The following NUP214 variants were observed in gnomAD, a reference collection of about 807,000 sequenced individuals.
NUP214 encodes nuclear pore complex protein Nup214.
In NUP214, 79 loss-of-function variants were observed where a neutral mutation model predicts 196.2. The ratio of observed to expected loss-of-function variants is 0.40; its 90% CI spans 0.34 to 0.49. The LOEUF is 0.49. Among genes scored for constraint, NUP214 ranks in the 20% least tolerant of loss-of-function variants. The pLI is 0.58. For missense variants in NUP214, 2,468 were observed against 2,539.0 expected (o/e 0.97, Z 0.60); for synonymous variants, 1,020 against 990.5 (o/e 1.03, Z -0.56).
rs143224806 is a variant in NUP214 at position 131,198,322 on chromosome 9, G to A, written c.4828G>A (p.Glu1610Lys). 6 of 1,614,182 alleles carry A rather than the reference G, an allele frequency of 3.7e-6. No individual in the cohort carries two copies. Among genetic ancestry groups the A allele is most frequent in the Middle Eastern group, 1.6e-4 (1 of 6,062 alleles). ...AISSAGPVAVETSSTPIASST... is the reference protein window; with the variant it reads ...AISSAGPVAVKTSSTPIASST... Reference sequence around the variant, plus strand: ...CTCAAGTGCAGGCCCTGTGGCCGTCGAAACATCAAGTACCCCCATAGCCTC... The same window carrying A: ...CTCAAGTGCAGGCCCTGTGGCCGTCAAAACATCAAGTACCCCCATAGCCTC... The change falls in exon 29 of 36, where the codon GAA becomes AAA. Residue 1610 changes from glutamate (E) to lysine (K), a missense_variant. Glu to Lys is a moderately conservative substitution (Grantham distance 56). Around this residue, in one of 5 missense-constraint regions of NUP214, gnomAD observed 1,801 missense variants for 1,779.4 expected, o/e 1.01. Coordinates refer to ENST00000359428, the MANE Select transcript of NUP214 (RefSeq NM_005085.4).
chr9:131,198,423 C>T lies in NUP214; in HGVS notation c.4929C>T (p.Ser1643=), dbSNP rs759380155. 4 of 1,614,108 alleles carry T rather than the reference C, an allele frequency of 2.5e-6. No homozygotes were observed. Among genetic ancestry groups the T allele is most frequent in the Admixed American group, 1.7e-5 (1 of 60,012 alleles). The part of the protein sequence containing the change: ...AAFGTVTSGS[S]VFAQPPAASS... Reference sequence around the variant, plus strand: ...TTGGTACCGTCACTTCTGGCTCATCCGTCTTTGCTCAGCCTCCTGCTGCCA... The same window carrying T: ...TTGGTACCGTCACTTCTGGCTCATCTGTCTTTGCTCAGCCTCCTGCTGCCA... The change falls in exon 29 of 36, where the codon TCC becomes TCT. Residue 1643 remains serine, a synonymous_variant. Transcript: ENST00000359428.
Position 131,189,140 on chromosome 9 carries a change from G to T in NUP214, c.3574+9G>T. On this transcript the variant is annotated intron_variant, in intron 26 of 35. Coordinates refer to ENST00000359428, the MANE Select transcript of NUP214 (RefSeq NM_005085.4). The stretch of plus-strand genomic sequence containing the variant: ...TGGTGACAAAGCTTCAGGTCAGTTT[G>T]CATTTTTGTTTTCTTGAAAAGTGAA... 6.2e-7 allele frequency: 1 copy of T among 1,612,764 alleles called. No homozygotes were observed. Among genetic ancestry groups the T allele is most frequent in the Non-Finnish European group, 8.5e-7 (1 of 1,178,872 alleles).
intron 27 of NUP214, chr9:131,194,282 C>CCT (rs1179540616): frequency 6.6e-6 from 1 of 151,084 alleles, no homozygotes; most frequent in Non-Finnish European, 1.5e-5. Flanking sequence ...GATCCTCCTG[C>CCT]CTTAGCCCCC....
intron 26 of NUP214, chr9:131,190,387 G>A: frequency 1.5e-6 from 1 of 673,964 alleles, no homozygotes; most frequent in South Asian, 1.6e-5. Flanking sequence ...CAAGTAGTGT[G>A]ACTTGCAAGA....
chr9:131,184,307 C>T (rs1196597028), intron 24 of NUP214, among the ~76,000 whole-genome samples: 7 of 140,644 alleles, frequency 5.0e-5, no homozygotes, highest in Non-Finnish European at 9.2e-5. Context: ...TGGGACTACA[C>T]GCGTGAGACA....
intron 28 of NUP214, among the ~76,000 whole-genome samples, chr9:131,196,591 G>A (rs754831344): frequency 6.6e-6 from 1 of 152,158 alleles, no homozygotes; most frequent in Non-Finnish European, 1.5e-5. Context: ...TCCAAATGGG[G>A]GAATTGAGGC....
At chr9:131,127,813 GAAC>G in intron 2 of NUP214, 94 bp downstream of exon 2, 2 of 892,064 alleles carry the variant, frequency 2.2e-6, no homozygotes, top group Non-Finnish European at 3.5e-6. Flanking sequence ...ATACTAAAAT[GAAC>G]ACTGCTGTCA....
chr9:131,224,043 CTTTATT>C (rs947413071), intron 32 of NUP214, among the ~76,000 whole-genome samples: 4 of 151,898 alleles, frequency 2.6e-5, no homozygotes, highest in Non-Finnish European at 4.4e-5. Context: ...CCCCAAATCA[CTTTATT>C]TTTAATTGAA....
At chr9:131,181,762 C>A (rs1284503943) in intron 24 of NUP214, among the ~76,000 whole-genome samples, 2 of 152,168 alleles carry the variant, frequency 1.3e-5, no homozygotes, top group African/African-American at 4.8e-5. Flanking sequence ...AATATTTTCT[C>A]CCATTCTTTG....
chr9:131,136,728 A>G (rs945295064), intron 9 of NUP214: 2 of 152,272 alleles, frequency 1.3e-5, no homozygotes, highest in African/African-American at 4.8e-5. Flanking sequence ...GCACCTTTGC[A>G]TACAAGAACC....
chr9:131,135,065 C>G, intron 8 of NUP214, 61 bp downstream of exon 8: 2 of 1,132,500 alleles, frequency 1.8e-6, no homozygotes, highest in South Asian at 2.5e-5. Flanking sequence ...CCTGAGTCAC[C>G]TTGTCCCATG....
Position 131,146,899 on chromosome 9 carries a change from C to T in NUP214, c.1946-591C>T, listed in dbSNP as rs1418252077. ...GAGTCGAGATCACGCCACTGCTCTC[C>T]AGCCTGGCGACAGAGCGAGACTCTG... is the stretch of plus-strand genomic sequence containing the variant. On this transcript the variant is annotated intron_variant, in intron 13 of 35. Coordinates refer to ENST00000359428, the MANE Select transcript of NUP214 (RefSeq NM_005085.4). This position sits in a 1 kb window ranked among gnomAD's most constrained non-coding sequence, Gnocchi z 4.6. Among the ~76,000 whole-genome samples, 1 of 149,764 alleles carries T rather than the reference C, an allele frequency of 6.7e-6. No homozygotes were observed. Among genetic ancestry groups the T allele is most frequent in the East Asian group, 2.0e-4 (1 of 5,094 alleles).
At chr9:131,225,314 G>T (rs1471999029) in intron 32 of NUP214, among the ~76,000 whole-genome samples, 1 of 152,216 alleles carries the variant, frequency 6.6e-6, no homozygotes, top group Non-Finnish European at 1.5e-5. Flanking sequence ...AGCTCCTCGG[G>T]AGACTGAGGT....
Position 131,231,958 on chromosome 9 carries a change from T to C in NUP214, c.6215-326T>C, listed in dbSNP as rs113217315. On this transcript the variant is annotated intron_variant, in intron 34 of 35. Transcript: ENST00000359428. The stretch of plus-strand genomic sequence containing the variant: ...AAGGTTTTCCTAATGAATGGATCTA[T>C]GTGGTCCAGTACAGCTGAGAGGCCA... 5.4e-5 allele frequency among the ~76,000 whole-genome samples: 8 copies of C among 147,992 alleles called. 1 individual carries two copies. Among genetic ancestry groups the C allele is most frequent in the South Asian group, 2.1e-4 (1 of 4,682 alleles).
At chr9:131,133,270 A>G in intron 7 of NUP214, 61 bp downstream of exon 7, 2 of 910,572 alleles carry the variant, frequency 2.2e-6, no homozygotes, top group Non-Finnish European at 3.2e-6. Flanking sequence ...ATAAAGCTGG[A>G]GGCTTTGATT....
At chr9:131,202,321 G>A (rs1178911248) in intron 30 of NUP214, among the ~76,000 whole-genome samples, 1 of 151,986 alleles carries the variant, frequency 6.6e-6, no homozygotes, top group Non-Finnish European at 1.5e-5. Flanking sequence ...GTTTGTTGTT[G>A]TTTAACTTCT....
intron 23 of NUP214, 63 bp from the exon 24 acceptor site, chr9:131,178,247 TG>T: frequency 7.7e-7 from 1 of 1,306,532 alleles, no homozygotes; most frequent in Non-Finnish European, 1.1e-6. Context: ...CATTTATATG[TG>T]GCTAGAACTT....
intron 29 of NUP214, among the ~76,000 whole-genome samples, chr9:131,201,437 A>G (rs929739225): frequency 5.3e-5 from 8 of 151,894 alleles, no homozygotes; most frequent in African/African-American, 1.7e-4. Context: ...ATGGTGGCAC[A>G]CACTTGAGTC....
intron 17 of NUP214, among the ~76,000 whole-genome samples, chr9:131,158,416 T>C (rs1029276863): frequency 1.2e-4 from 19 of 152,254 alleles, no homozygotes; most frequent in African/African-American, 4.6e-4. Flanking sequence ...TCAAGTTGCA[T>C]AGCCATGAAG....
Sources: allele counts gnomAD v4.1 joint callset (sites outside exome capture counted in the v4.1 genomes callset), GRCh38; gene constraint gnomAD v4.1.1; regional missense constraint gnomAD v4.1.1; non-coding constraint Gnocchi (gnomAD v3.1); transcripts MANE v1.5; gene names NCBI Gene and HGNC (gene_info 2026-07-23, HGNC 2026-07-21).